The following SPPL3 variants were observed in gnomAD, a reference collection of about 807,000 sequenced individuals.
SPPL3 encodes the protein signal peptide peptidase-like 3.
SPPL3 carries 5 observed loss-of-function variants against 42.4 expected under a neutral mutation model. The observed-to-expected ratio is 0.12, with a 90% confidence interval of 0.06 to 0.25. SPPL3 has a LOEUF of 0.25. SPPL3 is among the 10% of genes least tolerant of loss of function. The pLI is 1.00. For missense variants in SPPL3, 235 were observed against 489.0 expected, an observed-to-expected ratio of 0.48 and a Z score of 4.90; for synonymous variants, 195 against 181.8, an observed-to-expected ratio of 1.07 and a Z score of -0.58.
At chr12:120,898,211 C>T (rs758553824) in intron 1 of SPPL3, among the ~76,000 whole-genome samples, 5 of 148,416 alleles carry the variant, frequency 3.4e-5, no homozygotes, top group Admixed American at 1.4e-4. Context: ...GACTGAGACA[C>T]GAGAATTGCT....
intron 6 of SPPL3, among the ~76,000 whole-genome samples, chr12:120,772,773 C>G (rs1869170641): frequency 6.6e-6 from 1 of 152,066 alleles, no homozygotes. Context: ...CTGCCTCATC[C>G]CTACAACTCA....
At chr12:120,892,164 T>C (rs3809313) in intron 1 of SPPL3, among the ~76,000 whole-genome samples, 62,579 of 152,020 alleles carry the variant, frequency 0.41, 14,484 homozygotes, top group Middle Eastern at 0.56. Flanking sequence ...ATCTAACAAA[T>C]TTCACCCCTA....
intron 1 of SPPL3, among the ~76,000 whole-genome samples, chr12:120,893,614 C>T (rs1208504594): frequency 6.6e-6 from 1 of 152,146 alleles, no homozygotes; most frequent in Non-Finnish European, 1.5e-5. Flanking sequence ...TAGCAGTGCA[C>T]TCTCAGTAAT....
intron 1 of SPPL3, among the ~76,000 whole-genome samples, chr12:120,902,455 A>G (rs1216393040): frequency 2.0e-5 from 3 of 152,204 alleles, no homozygotes; most frequent in Non-Finnish European, 4.4e-5. Flanking sequence ...GGATAATTAT[A>G]ATTAATGTAG....
intron 1 of SPPL3, among the ~76,000 whole-genome samples, chr12:120,864,293 G>C (rs2137044688): frequency 1.3e-5 from 2 of 152,292 alleles, no homozygotes; most frequent in South Asian, 4.1e-4. Context: ...CCAGCACTTT[G>C]GGAGGCCGAG....
intron 1 of SPPL3, among the ~76,000 whole-genome samples, chr12:120,837,810 C>A (rs1347676552): frequency 1.3e-5 from 2 of 151,910 alleles, no homozygotes; most frequent in East Asian, 3.9e-4. Flanking sequence ...ACCTTTCCTG[C>A]AGCTGTTACA....
chr12:120,765,374 G>T (rs371287917), intron 10 of SPPL3, among the ~76,000 whole-genome samples: 5 of 151,760 alleles, frequency 3.3e-5, no homozygotes, highest in African/African-American at 1.2e-4. Context: ...TGCAACCTCC[G>T]ACTCCTGGGT....
At chr12:120,871,614 G>A (rs2137049972) in intron 1 of SPPL3, among the ~76,000 whole-genome samples, 1 of 152,158 alleles carries the variant, frequency 6.6e-6, no homozygotes, top group African/African-American at 2.4e-5. Flanking sequence ...TTAGCTGGGT[G>A]TGGTGGTGCA....
At chr12:120,812,651 G>A (rs965140836) in intron 1 of SPPL3, among the ~76,000 whole-genome samples, 4 of 152,124 alleles carry the variant, frequency 2.6e-5, no homozygotes, top group Non-Finnish European at 5.9e-5. Context: ...AGAAGGAACT[G>A]CAAAGAAAAC....
At chr12:120,844,901 G>C (rs905524933) in intron 1 of SPPL3, among the ~76,000 whole-genome samples, 1 of 151,718 alleles carries the variant, frequency 6.6e-6, no homozygotes, top group Non-Finnish European at 1.5e-5. Context: ...TATTGCACAG[G>C]AGTAACAGAA....
At chr12:120,772,439 C>T (rs1592954598) in intron 6 of SPPL3, among the ~76,000 whole-genome samples, 1 of 151,716 alleles carries the variant, frequency 6.6e-6, no homozygotes, top group East Asian at 1.9e-4. Context: ...TGCTAGCTGA[C>T]CACGTGCTCC....
At chr12:120,840,117 A>T (rs533095789) in intron 1 of SPPL3, among the ~76,000 whole-genome samples, 2 of 151,816 alleles carry the variant, frequency 1.3e-5, no homozygotes, top group South Asian at 4.2e-4. Context: ...CGTCTCTACT[A>T]AAAATACAAA....
chr12:120,815,887 C>A (rs527750068), intron 1 of SPPL3, among the ~76,000 whole-genome samples: 5 of 152,202 alleles, frequency 3.3e-5, no homozygotes, highest in East Asian at 1.9e-4. Flanking sequence ...CGCCACCATG[C>A]CCAGCTAATT....
intron 1 of SPPL3, among the ~76,000 whole-genome samples, chr12:120,846,471 T>C (rs1348014128): frequency 1.3e-5 from 2 of 152,238 alleles, no homozygotes; most frequent in South Asian, 2.1e-4. Context: ...TTTACTTGCA[T>C]AGCTGCTAGT....
intron 1 of SPPL3, among the ~76,000 whole-genome samples, chr12:120,818,660 T>C (rs1032654555): frequency 1.4e-4 from 22 of 152,202 alleles, no homozygotes; most frequent in African/African-American, 5.1e-4. Flanking sequence ...ACCAAGCAAC[T>C]ACTATTCTAA....
At chr12:120,865,412 C>T (rs1872728598) in intron 1 of SPPL3, among the ~76,000 whole-genome samples, 2 of 152,330 alleles carry the variant, frequency 1.3e-5, no homozygotes, top group South Asian at 2.1e-4. Context: ...AATCCTGGGT[C>T]TACCACTTAC....
At chr12:120,782,808 T>C (rs1425358677) in intron 5 of SPPL3, 41 bp from the exon 6 acceptor site, 11 of 1,430,414 alleles carry the variant, frequency 7.7e-6, no homozygotes, top group South Asian at 3.6e-5. Context: ...GGGCACACTT[T>C]ATTCAGTAAC....
At chr12:120,848,774 TTTAC>T (rs1449455720) in intron 1 of SPPL3, among the ~76,000 whole-genome samples, 4 of 152,288 alleles carry the variant, frequency 2.6e-5, no homozygotes, top group African/African-American at 9.6e-5. Context: ...TTACTGCTCT[TTTAC>T]CATAGCTCAT....
intron 1 of SPPL3, among the ~76,000 whole-genome samples, chr12:120,840,113 T>C (rs1263873859): frequency 1.3e-5 from 2 of 151,414 alleles, no homozygotes; most frequent in South Asian, 2.1e-4. Context: ...ACCCCGTCTC[T>C]ACTAAAAATA....
Sources: gnomAD v4.1 joint callset for allele counts (sites outside exome capture counted in the v4.1 genomes callset) on GRCh38, gnomAD v4.1.1 for gene constraint, MANE v1.5 for transcripts, NCBI Gene and HGNC (gene_info 2026-07-23, HGNC 2026-07-21) for gene names.